RPS6KA5: variants seen among roughly 807,000 people sequenced by gnomAD.
RPS6KA5 encodes the protein ribosomal protein S6 kinase A5.
RPS6KA5 carries 27 observed loss-of-function variants against 85.5 expected under a neutral mutation model. The ratio of observed to expected loss-of-function variants is 0.32; its 90% CI spans 0.23 to 0.44. RPS6KA5 has a LOEUF of 0.44. Among genes scored for constraint, RPS6KA5 ranks in the 20% least tolerant of loss-of-function variants. The probability of loss-of-function intolerance (pLI) is 1.00; values close to 1 mark genes in which losing one functional copy is unlikely to be tolerated. For synonymous variants in RPS6KA5, 334 were observed against 348.2 expected (o/e 0.96, Z 0.46); for missense variants, 811 against 980.9 (o/e 0.83, Z 2.31).
In RPS6KA5 at chr14:90,862,301, G is replaced by A. The variant is rs2032593400; in HGVS notation, c.*9773C>T. On this transcript the variant is annotated 3_prime_UTR_variant, in exon 17 of 17. Coordinates refer to ENST00000614987, the MANE Select transcript of RPS6KA5 (RefSeq NM_004755.4). ...TTAAACAGGAGGAATAATATCAGGTGCAAACTCTTCCAGAGTGTAGAAAAA... is the reference window on the plus strand; with the variant it reads ...TTAAACAGGAGGAATAATATCAGGTACAAACTCTTCCAGAGTGTAGAAAAA... The A allele has an allele frequency of 6.6e-6, 1 of 151,892 alleles. No homozygotes were observed. The highest frequency in any genetic ancestry group is 1.5e-5 in the Non-Finnish European group (1 of 68,016). 9.4% of individuals were successfully genotyped at this position (151,892 alleles called of 1,614,324 possible).
chr14:90,977,318 C>T (rs1235930121), intron 3 of RPS6KA5, among the ~76,000 whole-genome samples: 2 of 152,176 alleles, frequency 1.3e-5, no homozygotes, highest in Non-Finnish European at 2.9e-5. Context: ...AAATCTTCAA[C>T]GATGGTAGAA....
chr14:91,016,756 T>C (rs768596237), intron 1 of RPS6KA5, among the ~76,000 whole-genome samples: 2 of 151,546 alleles, frequency 1.3e-5, no homozygotes, highest in Non-Finnish European at 2.9e-5. Flanking sequence ...ACTTATGGAC[T>C]ATCACCAATA....
chr14:91,007,410 T>A (rs1434013648), intron 1 of RPS6KA5, among the ~76,000 whole-genome samples: 1 of 152,240 alleles, frequency 6.6e-6, no homozygotes, highest in Non-Finnish European at 1.5e-5. Context: ...ATTAGTAAAT[T>A]TGGACTAAAT....
At position 91,030,611 on chromosome 14, in the gene RPS6KA5, G is replaced by GAAAAAAAAAAA. The variant is rs58737573; in HGVS notation, c.104-29463_104-29453dup. Among the ~76,000 whole-genome samples, 25 of 22,076 alleles carry GAAAAAAAAAAA rather than the reference G, an allele frequency of 1.1e-3. 2 individuals carry two copies. The highest frequency in any genetic ancestry group is 6.3e-3 in the East Asian group (2 of 318). The allele number at this position is 22,076 out of a possible 152,430, so 14.5% of individuals were successfully genotyped here. On this transcript the variant is annotated intron_variant, in intron 1 of 16. Coordinates refer to ENST00000614987, the MANE Select transcript of RPS6KA5 (RefSeq NM_004755.4). ...AACATGCAAGACACCAAAATAAACA[G>GAAAAAAAAAAA]AAAAAAAAAAAAAAAAAAAAAAAAA...
intron 5 of RPS6KA5, among the ~76,000 whole-genome samples, chr14:90,939,654 C>A (rs978186803): frequency 6.6e-6 from 1 of 152,096 alleles, no homozygotes; most frequent in Non-Finnish European, 1.5e-5. Context: ...GGGAAACTCC[C>A]GTTTTTAAAA....
chr14:91,030,610 AG>A (rs2042146577), intron 1 of RPS6KA5, among the ~76,000 whole-genome samples: 4 of 124,432 alleles, frequency 3.2e-5, no homozygotes, highest in African/African-American at 1.3e-4. Context: ...CAAAATAAAC[AG>A]AAAAAAAAAA....
chr14:90,956,770 T>C (rs1245165677), intron 3 of RPS6KA5, among the ~76,000 whole-genome samples: 5 of 152,096 alleles, frequency 3.3e-5, no homozygotes, highest in Non-Finnish European at 4.4e-5. Flanking sequence ...TGGTTATATA[T>C]AGAAACATTA....
intron 1 of RPS6KA5, among the ~76,000 whole-genome samples, chr14:91,004,746 T>C (rs2040938154): frequency 6.6e-6 from 1 of 151,768 alleles, no homozygotes; most frequent in South Asian, 2.1e-4. Flanking sequence ...GGCGGGTGGA[T>C]CACGAGGTCA....
At chr14:90,983,779 TTCTTTCTTTCTC>T (rs901886016) in intron 2 of RPS6KA5, among the ~76,000 whole-genome samples, 2 of 141,642 alleles carry the variant, frequency 1.4e-5, no homozygotes, top group African/African-American at 5.4e-5. Context: ...TTTCCTTTCT[TTCTTTCTTTCTC>T]TCTCTCTCTC....
At chr14:91,055,591 G>C (rs2043280731) in intron 1 of RPS6KA5, among the ~76,000 whole-genome samples, 1 of 152,164 alleles carries the variant, frequency 6.6e-6, no homozygotes, top group African/African-American at 2.4e-5. Context: ...ACCAGTGTGA[G>C]CATAATGAGA....
intron 1 of RPS6KA5, among the ~76,000 whole-genome samples, chr14:91,057,305 C>T (rs912124556): frequency 2.6e-5 from 4 of 152,126 alleles, no homozygotes; most frequent in Non-Finnish European, 5.9e-5. Flanking sequence ...ACTTATCAAC[C>T]ACCTAACATC....
intron 1 of RPS6KA5, among the ~76,000 whole-genome samples, chr14:91,024,982 A>C (rs2139811512): frequency 6.6e-6 from 1 of 152,050 alleles, no homozygotes; most frequent in Middle Eastern, 3.4e-3. Flanking sequence ...CCTGGGTTGA[A>C]GTGATTCTCC....
Position 90,861,605 on chromosome 14 carries a change from G to T in RPS6KA5, c.*10469C>A, listed in dbSNP as rs956253563. 4 of 151,118 alleles carry T rather than the reference G, an allele frequency of 2.6e-5. No homozygotes were observed. The highest frequency in any genetic ancestry group is 9.7e-5 in the African/African-American group (4 of 41,072). The allele number at this position is 151,118 out of a possible 1,614,324, so 9.4% of individuals were successfully genotyped here. A position where few individuals can be genotyped will look rare whatever the true frequency, so the allele number is the denominator to read the frequency against. On this transcript the variant is annotated 3_prime_UTR_variant, in exon 17 of 17. Transcript: ENST00000614987. ...CATAGAATGTAGAAGTAAAATACAT[G>T]ACAACAATAACATAAAAGGAAGAAG...
At chr14:91,034,346 C>A (rs2042311513) in intron 1 of RPS6KA5, among the ~76,000 whole-genome samples, 1 of 151,494 alleles carries the variant, frequency 6.6e-6, no homozygotes, top group African/African-American at 2.4e-5. Flanking sequence ...CCAAAATATT[C>A]ATATTATTCA....
intron 1 of RPS6KA5, among the ~76,000 whole-genome samples, chr14:91,012,905 T>A (rs1467717632): frequency 6.6e-6 from 1 of 152,192 alleles, no homozygotes; most frequent in Admixed American, 6.5e-5. Context: ...GGGATCTTTA[T>A]CTCACCTATC....
intron 5 of RPS6KA5, among the ~76,000 whole-genome samples, chr14:90,937,634 C>A (rs767722549): frequency 6.6e-6 from 1 of 152,026 alleles, no homozygotes; most frequent in Non-Finnish European, 1.5e-5. Flanking sequence ...CACAGTTCCA[C>A]GTGGCTGGGG....
At chr14:90,890,193 C>T (rs1231947105) in intron 14 of RPS6KA5, among the ~76,000 whole-genome samples, 1 of 151,916 alleles carries the variant, frequency 6.6e-6, no homozygotes, top group African/African-American at 2.4e-5. Flanking sequence ...ACATTATGTC[C>T]AATATAATAT....
chr14:90,993,433 C>T (rs1359220973), intron 2 of RPS6KA5, among the ~76,000 whole-genome samples: 1 of 151,888 alleles, frequency 6.6e-6, no homozygotes, highest in Non-Finnish European at 1.5e-5. Flanking sequence ...GAGCAAGACT[C>T]CGTCTCAAAA....
intron 1 of RPS6KA5, among the ~76,000 whole-genome samples, chr14:91,039,024 A>G (rs1951454): frequency 0.78 from 118,553 of 152,128 alleles, 46,694 homozygotes; most frequent in East Asian, 0.97. Context: ...TGTCCTCAAG[A>G]TTTCAAAAGC....
Sources: allele counts gnomAD v4.1 joint callset (sites outside exome capture counted in the v4.1 genomes callset), GRCh38; gene constraint gnomAD v4.1.1; transcripts MANE v1.5; gene names NCBI Gene and HGNC (gene_info 2026-07-23, HGNC 2026-07-21).